Variants in KCNIP1 observed in about 807,000 individuals in gnomAD.
The protein encoded by KCNIP1 is potassium voltage-gated channel interacting protein 1.
In KCNIP1, 18 loss-of-function variants were observed where a neutral mutation model predicts 33.0. The ratio of observed to expected loss-of-function variants is 0.55; its 90% confidence interval spans 0.38 to 0.81. The LOEUF is 0.81. KCNIP1 is among the 30% of genes least tolerant of loss of function. The pLI, the probability that KCNIP1 is intolerant of heterozygous loss-of-function variation, is 0.00. For synonymous variants in KCNIP1, 93 were observed against 98.3 expected (o/e 0.95, Z 0.32); for missense variants, 238 against 271.6 (o/e 0.88, Z 0.87).
At chr5:170,614,615 G>T (rs1198668237) in intron 1 of KCNIP1, among the ~76,000 whole-genome samples, 2 of 152,090 alleles carry the variant, frequency 1.3e-5, no homozygotes, top group Admixed American at 6.6e-5. Context: ...TCTCTCCCCC[G>T]TTGAGAATGC....
intron 1 of KCNIP1, among the ~76,000 whole-genome samples, chr5:170,477,935 C>CA (rs946255418): frequency 2.0e-5 from 3 of 152,184 alleles, no homozygotes; most frequent in Non-Finnish European, 2.9e-5. Flanking sequence ...TAGAGTATGA[C>CA]AAAAAAACTC....
chr5:170,483,590 A>G (rs1483641295), intron 1 of KCNIP1, among the ~76,000 whole-genome samples: 3 of 152,192 alleles, frequency 2.0e-5, no homozygotes, highest in Admixed American at 6.5e-5. Flanking sequence ...CAACTCTACA[A>G]TCAGTCACAT....
At chr5:170,392,621 G>C (rs755616503) in intron 1 of KCNIP1, among the ~76,000 whole-genome samples, 1 of 152,136 alleles carries the variant, frequency 6.6e-6, no homozygotes, top group Non-Finnish European at 1.5e-5. Context: ...CCAGTAGTTC[G>C]AGACCAGCCT....
At chr5:170,698,968 C>A (rs1447624774) in intron 1 of KCNIP1, among the ~76,000 whole-genome samples, 1 of 152,176 alleles carries the variant, frequency 6.6e-6, no homozygotes, top group African/African-American at 2.4e-5. Context: ...GCTTCCCAGA[C>A]CTCTCTGCAG....
intron 1 of KCNIP1, among the ~76,000 whole-genome samples, chr5:170,705,583 G>A (rs1419986434): frequency 2.0e-5 from 3 of 152,144 alleles, no homozygotes; most frequent in South Asian, 2.1e-4. Flanking sequence ...TCTGTTCCAC[G>A]GACTGAGATG....
chr5:170,538,697 T>C (rs1581293518), intron 1 of KCNIP1, among the ~76,000 whole-genome samples: 1 of 151,822 alleles, frequency 6.6e-6, no homozygotes, highest in Admixed American at 6.5e-5. Flanking sequence ...TTATGGACTG[T>C]CCATCTTGAA....
At chr5:170,630,307 C>T (rs773774232) in intron 1 of KCNIP1, among the ~76,000 whole-genome samples, 10 of 152,202 alleles carry the variant, frequency 6.6e-5, no homozygotes, top group African/African-American at 1.2e-4. Context: ...TGGGCAGCAC[C>T]GATGACTTAA....
At chr5:170,543,729 C>T (rs1012263449) in intron 1 of KCNIP1, among the ~76,000 whole-genome samples, 3 of 152,228 alleles carry the variant, frequency 2.0e-5, no homozygotes, top group African/African-American at 4.8e-5. Context: ...TTCTCTTCTT[C>T]GGTTGCTAAC....
At chr5:170,534,488 G>A (rs917803415) in intron 1 of KCNIP1, among the ~76,000 whole-genome samples, 12 of 135,962 alleles carry the variant, frequency 8.8e-5, no homozygotes, top group African/African-American at 4.0e-4. Flanking sequence ...AGGAGGAGGA[G>A]GAGGAGGAGG....
At chr5:170,669,860 A>T (rs1485651388) in intron 1 of KCNIP1, among the ~76,000 whole-genome samples, 1 of 152,200 alleles carries the variant, frequency 6.6e-6, no homozygotes, top group Non-Finnish European at 1.5e-5. Context: ...TTTTGAGAAA[A>T]TATTACAACC....
intron 1 of KCNIP1, among the ~76,000 whole-genome samples, chr5:170,614,323 C>T (rs934977140): frequency 6.6e-6 from 1 of 152,224 alleles, no homozygotes; most frequent in African/African-American, 2.4e-5. Flanking sequence ...TTCAGGGCCC[C>T]CTCCTCACTA....
intron 1 of KCNIP1, among the ~76,000 whole-genome samples, chr5:170,608,592 T>G (rs1759023528): frequency 6.6e-6 from 1 of 151,804 alleles, no homozygotes; most frequent in Admixed American, 6.6e-5. Flanking sequence ...GCCAACATGG[T>G]AAAACCCCGT....
At chr5:170,493,627 A>G (rs1191158202) in intron 1 of KCNIP1, among the ~76,000 whole-genome samples, 1 of 152,192 alleles carries the variant, frequency 6.6e-6, no homozygotes, top group Admixed American at 6.5e-5. Context: ...TATGAGAGTG[A>G]AGTAGACCGT....
At chr5:170,488,496 T>C (rs1025531314) in intron 1 of KCNIP1, among the ~76,000 whole-genome samples, 2 of 152,224 alleles carry the variant, frequency 1.3e-5, no homozygotes, top group African/African-American at 4.8e-5. Flanking sequence ...TAACATACGG[T>C]TAAGCATCAG....
At chr5:170,354,163 T>A (rs780085920) in intron 1 of KCNIP1, among the ~76,000 whole-genome samples, 12 of 152,212 alleles carry the variant, frequency 7.9e-5, no homozygotes, top group Non-Finnish European at 1.8e-4. Flanking sequence ...GGAACTCAGC[T>A]GGCTGTAATT....
chr5:170,559,861 A>G (rs1453396899), intron 1 of KCNIP1, among the ~76,000 whole-genome samples: 2 of 152,230 alleles, frequency 1.3e-5, no homozygotes, highest in Non-Finnish European at 2.9e-5. Flanking sequence ...CAGGCTCCTC[A>G]GCCTGAACCT....
chr5:170,570,588 T>A (rs1432136568), intron 1 of KCNIP1, among the ~76,000 whole-genome samples: 1 of 152,266 alleles, frequency 6.6e-6, no homozygotes, highest in East Asian at 1.9e-4. Flanking sequence ...AGGCAGGTTT[T>A]AAATCATTTT....
chr5:170,516,544 G>A (rs1031468608), intron 1 of KCNIP1, among the ~76,000 whole-genome samples: 2 of 152,176 alleles, frequency 1.3e-5, no homozygotes, highest in Admixed American at 6.5e-5. Flanking sequence ...AGAGAAACTT[G>A]GGCATGACTT....
intron 1 of KCNIP1, among the ~76,000 whole-genome samples, chr5:170,396,064 A>G (rs1289143366): frequency 2.6e-5 from 4 of 152,192 alleles, no homozygotes; most frequent in Non-Finnish European, 4.4e-5. Context: ...AACAATACAC[A>G]TCAGGGCTTT....
Sources: gnomAD v4.1 joint callset for allele counts (sites outside exome capture counted in the v4.1 genomes callset) on GRCh38, gnomAD v4.1.1 for gene constraint, MANE v1.5 for transcripts, NCBI Gene and HGNC (gene_info 2026-07-23, HGNC 2026-07-21) for gene names.